Variants in PABPC4L observed in about 807,000 individuals in gnomAD.
PABPC4L encodes the protein poly(A) binding protein cytoplasmic 4 like.
For missense variants in PABPC4L, 452 were observed against 451.4 expected, an observed-to-expected ratio of 1.00 and a Z score of -0.01; for synonymous variants, 169 against 164.1, an observed-to-expected ratio of 1.03 and a Z score of -0.23.
the PABPC4L span, among the ~76,000 whole-genome samples, chr4:134,018,737 C>A: frequency 6.6e-6 from 1 of 151,938 alleles, no homozygotes. Context: ...TCATATACAA[C>A]AATTTTCTAT....
At chr4:133,972,072 T>A in the PABPC4L span, among the ~76,000 whole-genome samples, 2 of 152,190 alleles carry the variant, frequency 1.3e-5, no homozygotes, top group African/African-American at 2.4e-5. Context: ...AAAAGTAGAC[T>A]TGTCCAGGAC....
chr4:134,081,010 A>G, the PABPC4L span, among the ~76,000 whole-genome samples: 1 of 152,162 alleles, frequency 6.6e-6, no homozygotes, highest in Non-Finnish European at 1.5e-5. Context: ...CAATTTTTTT[A>G]TTTCTATTAT....
chr4:134,172,677 TA>T, the PABPC4L span, among the ~76,000 whole-genome samples: 1 of 151,972 alleles, frequency 6.6e-6, no homozygotes. Flanking sequence ...CTAATTAAGC[TA>T]AAAAGCTTCT....
the PABPC4L span, among the ~76,000 whole-genome samples, chr4:134,084,754 CA>C: frequency 1.3e-5 from 2 of 152,100 alleles, no homozygotes; most frequent in Non-Finnish European, 2.9e-5. Context: ...CTTTTCAACA[CA>C]TTTTTTTTGT....
chr4:134,083,152 T>G, the PABPC4L span, among the ~76,000 whole-genome samples: 5 of 152,128 alleles, frequency 3.3e-5, no homozygotes, highest in South Asian at 1.0e-3. Flanking sequence ...AAATAAAGCC[T>G]CCTAAATTAA....
the PABPC4L span, among the ~76,000 whole-genome samples, chr4:133,982,500 A>C: frequency 6.6e-6 from 1 of 152,022 alleles, no homozygotes; most frequent in Non-Finnish European, 1.5e-5. Flanking sequence ...TTTATGGTGA[A>C]TTCTTTTTGC....
chr4:134,041,236 A>T, the PABPC4L span, among the ~76,000 whole-genome samples: 1 of 152,172 alleles, frequency 6.6e-6, no homozygotes, highest in Non-Finnish European at 1.5e-5. Context: ...ATATACCCAA[A>T]GGATTATAAA....
the PABPC4L span, among the ~76,000 whole-genome samples, chr4:134,018,375 G>A: frequency 0.022 from 3,351 of 152,168 alleles, 63 homozygotes; most frequent in South Asian, 0.058. Flanking sequence ...ACACTGATGC[G>A]CATGAAAATG....
the PABPC4L span, among the ~76,000 whole-genome samples, chr4:134,076,831 A>G: frequency 4.5e-4 from 69 of 152,254 alleles, no homozygotes; most frequent in African/African-American, 1.5e-3. Flanking sequence ...ACATATATGT[A>G]TATGTGTGAA....
the PABPC4L span, among the ~76,000 whole-genome samples, chr4:134,036,893 TA>T: frequency 6.6e-6 from 1 of 151,932 alleles, no homozygotes; most frequent in Non-Finnish European, 1.5e-5. Flanking sequence ...TTGTTTCTAC[TA>T]AAAATGCAGA....
chr4:133,965,805 T>G, the PABPC4L span, among the ~76,000 whole-genome samples: 4 of 152,140 alleles, frequency 2.6e-5, no homozygotes, highest in African/African-American at 4.8e-5. Flanking sequence ...TCTCTCACCT[T>G]AAACAAAAAT....
chr4:134,077,169 TG>T, the PABPC4L span, among the ~76,000 whole-genome samples: 1 of 152,198 alleles, frequency 6.6e-6, no homozygotes, highest in South Asian at 2.1e-4. Context: ...ATAATACACA[TG>T]GATTGAATTA....
the PABPC4L span, among the ~76,000 whole-genome samples, chr4:134,130,047 A>G: frequency 6.7e-6 from 1 of 149,402 alleles, no homozygotes; most frequent in Non-Finnish European, 1.5e-5. Context: ...CCTGGGTGAC[A>G]GAGCGAGACT....
the PABPC4L span, among the ~76,000 whole-genome samples, chr4:134,146,985 G>T: frequency 0.011 from 1,739 of 152,166 alleles, 35 homozygotes; most frequent in African/African-American, 0.037. Flanking sequence ...GAATTTGTCT[G>T]TCTTCTGTCA....
chr4:133,948,946 G>A, the PABPC4L span, among the ~76,000 whole-genome samples: 1 of 152,094 alleles, frequency 6.6e-6, no homozygotes, highest in African/African-American at 2.4e-5. Context: ...AGTAACCCTG[G>A]GTGAGCTCAA....
the PABPC4L span, among the ~76,000 whole-genome samples, chr4:134,006,162 C>T: frequency 6.6e-6 from 1 of 151,836 alleles, no homozygotes; most frequent in Non-Finnish European, 1.5e-5. Flanking sequence ...AAAGAGTGGA[C>T]ACAGCTTTGT....
the PABPC4L span, among the ~76,000 whole-genome samples, chr4:134,148,962 A>G: frequency 6.6e-6 from 1 of 152,136 alleles, no homozygotes; most frequent in Non-Finnish European, 1.5e-5. Context: ...TGCTCAAAAA[A>G]GCAAAAATAT....
At chr4:134,179,130 T>A in the PABPC4L span, among the ~76,000 whole-genome samples, 1 of 151,518 alleles carries the variant, frequency 6.6e-6, no homozygotes, top group African/African-American at 2.4e-5. Context: ...AAAGAAAAAA[T>A]GTTAAAGAGC....
the PABPC4L span, among the ~76,000 whole-genome samples, chr4:134,003,328 C>T: frequency 2.0e-5 from 3 of 151,994 alleles, no homozygotes; most frequent in South Asian, 4.1e-4. Flanking sequence ...CATCCATCAC[C>T]TTCTTTACAT....
Sources: gnomAD v4.1 joint callset for allele counts (sites outside exome capture counted in the v4.1 genomes callset) on GRCh38, gnomAD v4.1.1 for gene constraint, MANE v1.5 for transcripts, NCBI Gene and HGNC (gene_info 2026-07-23, HGNC 2026-07-21) for gene names.